Variants in OR2L13 observed in about 807,000 individuals in gnomAD.
OR2L13 encodes olfactory receptor family 2 subfamily L member 13, also known as olfactory receptor 2L13.
OR2L13 carries 14 observed loss-of-function variants against 15.3 expected under a neutral mutation model. The observed-to-expected ratio is 0.91, with a 90% confidence interval of 0.60 to 1.43. The LOEUF (loss-of-function observed/expected upper bound fraction) is 1.43. OR2L13 is among the 40% of genes most tolerant of loss of function. OR2L13 has a pLI of 0.00. For synonymous variants in OR2L13, 152 were observed against 142.9 expected (o/e 1.06, Z -0.45); for missense variants, 367 against 387.9 (o/e 0.95, Z 0.45).
At chr1:248,044,945 T>G in the OR2L13 span, among the ~76,000 whole-genome samples, 2 of 152,108 alleles carry the variant, frequency 1.3e-5, no homozygotes, top group African/African-American at 4.8e-5. Context: ...TCCCACTGTT[T>G]TGGTGTTTTG....
the OR2L13 span, chr1:248,022,313 TGTG>T: frequency 6.2e-7 from 1 of 1,614,156 alleles, no homozygotes; most frequent in Non-Finnish European, 8.5e-7. Flanking sequence ...ATGATCGTTA[TGTG>T]GCCATTTGCT....
the OR2L13 span, among the ~76,000 whole-genome samples, chr1:248,001,193 G>A: frequency 0.056 from 8,514 of 152,046 alleles, 732 homozygotes; most frequent in African/African-American, 0.19. Flanking sequence ...TCTATAAAAT[G>A]TCAGTGGCGA....
chr1:248,081,219 TGAA>T, the OR2L13 span, among the ~76,000 whole-genome samples: 1 of 152,148 alleles, frequency 6.6e-6, no homozygotes, highest in Non-Finnish European at 1.5e-5. Context: ...CAATAAGAAA[TGAA>T]CATATTTCTA....
chr1:248,045,745 C>G, the OR2L13 span: 1 of 152,296 alleles, frequency 6.6e-6, no homozygotes, highest in African/African-American at 2.4e-5. Context: ...ACTATGCTGA[C>G]TGGATAATTA....
At chr1:248,096,460 T>C (rs1436847188), upstream of OR2L13, among the ~76,000 whole-genome samples, 1 of 152,046 alleles carries the variant, frequency 6.6e-6, no homozygotes, top group Non-Finnish European at 1.5e-5. Flanking sequence ...AGTTGCACTA[T>C]GTGCAGCTCT....
chr1:248,074,121 A>T, the OR2L13 span, among the ~76,000 whole-genome samples: 1 of 152,252 alleles, frequency 6.6e-6, no homozygotes, highest in East Asian at 1.9e-4. Flanking sequence ...TAAATAAAAA[A>T]TTTAAAACTG....
upstream of OR2L13, among the ~76,000 whole-genome samples, chr1:248,096,584 A>G (rs545973073): frequency 1.2e-4 from 19 of 152,312 alleles, no homozygotes; most frequent in East Asian, 3.5e-3. Flanking sequence ...TATGTGCTGA[A>G]CACACAGAAC....
At chr1:248,070,708 A>T in the OR2L13 span, among the ~76,000 whole-genome samples, 2 of 152,170 alleles carry the variant, frequency 1.3e-5, no homozygotes, top group East Asian at 3.9e-4. Context: ...GAAAGGATCA[A>T]CAAAATTGAT....
chr1:248,057,304 T>C, the OR2L13 span, among the ~76,000 whole-genome samples: 1 of 152,200 alleles, frequency 6.6e-6, no homozygotes, highest in East Asian at 1.9e-4. Context: ...ACTTGTTTTA[T>C]GAATCTGGAT....
the OR2L13 span, among the ~76,000 whole-genome samples, chr1:248,046,631 C>T: frequency 6.6e-6 from 1 of 152,138 alleles, no homozygotes. Flanking sequence ...CCTAGAATGT[C>T]CAAAGTCTCA....
chr1:248,046,298 T>C, the OR2L13 span, among the ~76,000 whole-genome samples: 1 of 152,206 alleles, frequency 6.6e-6, no homozygotes, highest in African/African-American at 2.4e-5. Context: ...TATGCGATAT[T>C]TTAATAATTT....
the OR2L13 span, chr1:248,039,117 C>G: frequency 2.5e-6 from 4 of 1,614,134 alleles, no homozygotes; most frequent in Non-Finnish European, 3.4e-6. Context: ...CACCCCAATG[C>G]TCAACCCCAT....
At chr1:248,014,598 G>A in the OR2L13 span, among the ~76,000 whole-genome samples, 1 of 152,108 alleles carries the variant, frequency 6.6e-6, no homozygotes, top group African/African-American at 2.4e-5. Flanking sequence ...GAAACAATGT[G>A]AAGGCTATAT....
At chr1:247,942,171 T>G in the OR2L13 span, among the ~76,000 whole-genome samples, 2 of 152,138 alleles carry the variant, frequency 1.3e-5, no homozygotes, top group Non-Finnish European at 2.9e-5. Flanking sequence ...TGAATAAAAC[T>G]AAATTCTGGG....
chr1:247,988,609 C>T, the OR2L13 span, among the ~76,000 whole-genome samples: 1 of 151,416 alleles, frequency 6.6e-6, no homozygotes, highest in East Asian at 1.9e-4. Context: ...GGATCTTACT[C>T]TTTCACATTG....
At chr1:247,998,713 A>AG in the OR2L13 span, among the ~76,000 whole-genome samples, 1 of 152,180 alleles carries the variant, frequency 6.6e-6, no homozygotes, top group African/African-American at 2.4e-5. Flanking sequence ...TAAATAATGA[A>AG]GGTAACTGCA....
chr1:248,025,412 C>G, the OR2L13 span, among the ~76,000 whole-genome samples: 1 of 148,956 alleles, frequency 6.7e-6, no homozygotes, highest in Non-Finnish European at 1.5e-5. Context: ...CCATCTCACA[C>G]CAGTTAGAAT....
chr1:248,058,423 C>T, the OR2L13 span, among the ~76,000 whole-genome samples: 12 of 152,132 alleles, frequency 7.9e-5, no homozygotes, highest in Non-Finnish European at 1.6e-4. Flanking sequence ...ATTGTCACAG[C>T]AGAACTGCAT....
the OR2L13 span, among the ~76,000 whole-genome samples, chr1:247,946,379 G>C: frequency 2.6e-5 from 4 of 152,120 alleles, no homozygotes; most frequent in African/African-American, 9.7e-5. Context: ...AGCCGGGAAA[G>C]TGGACTGTAG....
Sources: allele counts gnomAD v4.1 joint callset (sites outside exome capture counted in the v4.1 genomes callset), GRCh38; gene constraint gnomAD v4.1.1; transcripts MANE v1.5; gene names NCBI Gene and HGNC (gene_info 2026-07-23, HGNC 2026-07-21).